The following TOX variants were observed in gnomAD, a reference collection of about 807,000 sequenced individuals.
TOX encodes the protein thymocyte selection associated high mobility group box.
TOX carries 11 observed loss-of-function variants against 53.7 expected under a neutral mutation model. That is an observed-to-expected ratio of 0.20 (90% CI 0.13 to 0.34). The LOEUF is 0.34. Ranked by LOEUF, TOX falls within the 10% of genes least tolerant of loss-of-function variation. The pLI is 1.00. For missense variants in TOX, 570 were observed against 664.6 expected (o/e 0.86, Z 1.56); for synonymous variants, 225 against 245.3 (o/e 0.92, Z 0.77).
intron 2 of TOX, among the ~76,000 whole-genome samples, chr8:58,942,760 T>G (rs1333492179): frequency 6.6e-6 from 1 of 152,228 alleles, no homozygotes; most frequent in African/African-American, 2.4e-5. Context: ...TGGGGGATGT[T>G]ATACAATAGA....
intron 4 of TOX, among the ~76,000 whole-genome samples, chr8:58,841,254 T>C (rs1348876036): frequency 1.3e-5 from 2 of 152,188 alleles, no homozygotes; most frequent in African/African-American, 2.4e-5. Context: ...ATCAAGCTTG[T>C]AATTACACAA....
intron 1 of TOX, among the ~76,000 whole-genome samples, chr8:58,962,427 A>G (rs1283745537): frequency 2.0e-5 from 3 of 152,232 alleles, no homozygotes; most frequent in Non-Finnish European, 4.4e-5. Context: ...ACATTTTACG[A>G]AAGAAGATAC....
At chr8:58,969,328 A>G (rs1812959136) in intron 1 of TOX, among the ~76,000 whole-genome samples, 1 of 152,248 alleles carries the variant, frequency 6.6e-6, no homozygotes, top group Non-Finnish European at 1.5e-5. Context: ...ATCCTTCACG[A>G]CATTGAGTAT....
chr8:58,987,840 T>C (rs893475025), intron 1 of TOX, among the ~76,000 whole-genome samples: 2 of 152,172 alleles, frequency 1.3e-5, no homozygotes, highest in African/African-American at 2.4e-5. Flanking sequence ...TCACCTCTCA[T>C]CTCATGCACA....
At chr8:59,064,471 G>A (rs1389264148) in intron 1 of TOX, among the ~76,000 whole-genome samples, 8 of 152,206 alleles carry the variant, frequency 5.3e-5, no homozygotes, top group African/African-American at 1.7e-4. Flanking sequence ...ACTTGCAAAT[G>A]AGAAAGCACA....
intron 1 of TOX, among the ~76,000 whole-genome samples, chr8:59,086,716 G>A (rs768720877): frequency 2.6e-5 from 4 of 152,168 alleles, no homozygotes; most frequent in Non-Finnish European, 5.9e-5. Flanking sequence ...TAAAAAATGA[G>A]ATTGCTAAAT....
intron 3 of TOX, among the ~76,000 whole-genome samples, chr8:58,885,267 T>C (rs1302002776): frequency 6.6e-6 from 1 of 152,160 alleles, no homozygotes; most frequent in Non-Finnish European, 1.5e-5. Context: ...TACTGGTACC[T>C]TATTTTAAAT....
intron 7 of TOX, among the ~76,000 whole-genome samples, chr8:58,813,213 T>C (rs1360871077): frequency 2.0e-5 from 3 of 152,210 alleles, no homozygotes; most frequent in Non-Finnish European, 4.4e-5. Flanking sequence ...CTTATGTAAA[T>C]CTGAAATATT....
At chr8:59,060,356 A>C (rs1260680014) in intron 1 of TOX, among the ~76,000 whole-genome samples, 1 of 152,216 alleles carries the variant, frequency 6.6e-6, no homozygotes, top group Non-Finnish European at 1.5e-5. Context: ...GGCTGGGCGC[A>C]GTGGCTCACG....
chr8:58,905,817 T>C (rs1038744650), intron 3 of TOX, among the ~76,000 whole-genome samples: 18 of 152,248 alleles, frequency 1.2e-4, no homozygotes, highest in African/African-American at 4.3e-4. Context: ...ACTTTGATCC[T>C]ATGGCAATGT....
chr8:58,870,274 T>A (rs1469885897), intron 3 of TOX, among the ~76,000 whole-genome samples: 1 of 152,034 alleles, frequency 6.6e-6, no homozygotes, highest in Non-Finnish European at 1.5e-5. Flanking sequence ...AAATTTGGAA[T>A]TTGAAAATTT....
intron 1 of TOX, among the ~76,000 whole-genome samples, chr8:59,015,464 C>T (rs1813990290): frequency 1.3e-5 from 2 of 152,184 alleles, no homozygotes; most frequent in Non-Finnish European, 1.5e-5. Context: ...TTTTGTTATG[C>T]CCTTTGTCAA....
chr8:59,041,108 G>A (rs978025477), intron 1 of TOX, among the ~76,000 whole-genome samples: 2 of 147,046 alleles, frequency 1.4e-5, no homozygotes, highest in Admixed American at 1.4e-4. Context: ...GTGTGTGTGT[G>A]TGTACATGTG....
intron 4 of TOX, among the ~76,000 whole-genome samples, chr8:58,843,205 C>G (rs1319411584): frequency 6.6e-6 from 1 of 152,196 alleles, no homozygotes. Flanking sequence ...CCTTTAAATA[C>G]TCATGTTAAC....
chr8:58,902,024 T>C (rs1811741254), intron 3 of TOX, among the ~76,000 whole-genome samples: 1 of 152,232 alleles, frequency 6.6e-6, no homozygotes, highest in East Asian at 1.9e-4. Flanking sequence ...ACACTATTTC[T>C]GGTTTAATTT....
intron 3 of TOX, among the ~76,000 whole-genome samples, chr8:58,913,293 G>A (rs1811937713): frequency 1.3e-5 from 2 of 152,098 alleles, no homozygotes; most frequent in Non-Finnish European, 2.9e-5. Flanking sequence ...TCCAGCCTGG[G>A]TGACAGAGAA....
intron 3 of TOX, among the ~76,000 whole-genome samples, chr8:58,858,006 G>A (rs111389852): frequency 0.02 from 3,018 of 152,212 alleles, 97 homozygotes; most frequent in African/African-American, 0.069. Context: ...CTGACCTCAG[G>A]TGATCCACCC....
rs118059251 is a variant in TOX, at chr8:59,067,424, C to T, written c.102+51462G>A. On this transcript the variant is annotated intron_variant, in intron 1 of 8. Coordinates refer to ENST00000361421, the MANE Select transcript of TOX (RefSeq NM_014729.3). ...CAAAAATTAGCCACCCATGATGGTG[C>T]ACGCCTGTAATCCCAGCTACTTGGG... Among the ~76,000 whole-genome samples, 74 of 152,136 alleles carry T rather than the reference C, an allele frequency of 4.9e-4. 3 individuals are homozygous for T. The East Asian group carries it at 0.011, about 23-fold the overall frequency.
chr8:58,879,295 T>C lies in TOX; in HGVS notation c.412-27490A>G, dbSNP rs530390502. On this transcript the variant is annotated intron_variant, in intron 3 of 8. Transcript: ENST00000361421. ...TGTTTCTATGGCAATCTATTTTAGA[T>C]AGTTTTACCATGATGGCTAAAACGG... Among the ~76,000 whole-genome samples the C allele has an allele frequency of 3.9e-5, 6 of 152,330 alleles. No homozygotes were observed. In the South Asian group the frequency reaches 1.0e-3, roughly 26 times the overall value.
Sources: allele counts gnomAD v4.1 joint callset (sites outside exome capture counted in the v4.1 genomes callset), GRCh38; gene constraint gnomAD v4.1.1; transcripts MANE v1.5; gene names NCBI Gene and HGNC (gene_info 2026-07-23, HGNC 2026-07-21).